DEFB127: variants seen among roughly 807,000 people sequenced by gnomAD.
DEFB127 encodes the protein defensin beta 127.
Under a neutral mutation model 2.4 loss-of-function variants are expected in DEFB127, and 2 were observed. The observed-to-expected ratio is 0.82, with a 90% CI of 0.34 to 2.58. The LOEUF is 2.58. Among genes scored for constraint, DEFB127 ranks in the 30% most tolerant of loss-of-function variants. The probability of loss-of-function intolerance (pLI) is 0.11; values close to 1 mark genes in which losing one functional copy is unlikely to be tolerated. For synonymous variants in DEFB127, 37 were observed against 39.8 expected (o/e 0.93, Z 0.26); for missense variants, 110 against 113.2 (o/e 0.97, Z 0.13).
Position 158,967 on chromosome 20 carries a change from T to C in DEFB127, c.243T>C (p.Leu81=). ...RPKPATLALT[L]QDYVTIIENF... ...AGCCAGCAACACTTGCACTGACTCTTCAAGACTATGTTACAATAATAGAAA... is the reference window on the plus strand; with the variant it reads ...AGCCAGCAACACTTGCACTGACTCTCCAAGACTATGTTACAATAATAGAAA... Residue 81 remains leucine, a synonymous_variant, in exon 2 of 2, where the codon CTT becomes CTC. Transcript: ENST00000382388. 6.2e-7 allele frequency: 1 copy of C among 1,613,296 alleles called. No individual in the cohort carries two copies. Among genetic ancestry groups the C allele is most frequent in the African/African-American group, 1.3e-5 (1 of 74,984 alleles).
chr20:158,815 G>A lies in DEFB127; in HGVS notation c.91G>A (p.Gly31Arg), dbSNP rs12624954. 567,587 of 1,611,498 alleles carry A rather than the reference G, an allele frequency of 0.35. 104,884 individuals are homozygous for A. Among genetic ancestry groups the A allele is most frequent in the East Asian group, 0.5 (22,348 of 44,840 alleles). ...LKKCWNNYVQ[G>R]HCRKICRVNE... ...GAAGTGCTGGAATAACTATGTACAAGGACATTGCAGGAAAATCTGCAGAGT... is the reference window on the plus strand; with the variant it reads ...GAAGTGCTGGAATAACTATGTACAAAGACATTGCAGGAAAATCTGCAGAGT... The change falls in exon 2 of 2, where the codon GGA (glycine) becomes AGA (arginine). Residue 31 changes from glycine to arginine, a missense_variant. By Grantham distance (125) the Gly-to-Arg change is moderately radical (BLOSUM62 -2). Coordinates refer to ENST00000382388, the MANE Select transcript of DEFB127 (RefSeq NM_139074.4).
intron 1 of DEFB127, among the ~76,000 whole-genome samples, chr20:158,011 G>A (rs2054710073): frequency 6.6e-6 from 1 of 151,806 alleles, no homozygotes; most frequent in East Asian, 1.9e-4. Context: ...TAAGAAACAT[G>A]CCTTCAATAT....
At chr20:157,765 C>T (rs1178532452) in intron 1 of DEFB127, among the ~76,000 whole-genome samples, 172 bp downstream of exon 1, 1 of 152,096 alleles carries the variant, frequency 6.6e-6, no homozygotes, top group Admixed American at 6.6e-5. Context: ...ATGTTACTAT[C>T]CTTAAAGAGG....
chr20:158,863 T>C lies in DEFB127; in HGVS notation c.139T>C (p.Cys47Arg), dbSNP rs201082197. Residue 47 changes from cysteine (C) to arginine (R), a missense_variant, in exon 2 of 2, where the codon TGT becomes CGT. Transcript: ENST00000382388. ...AGTAAATGAAGTGCCTGAGGCACTA[T>C]GTGAAAATGGGAGATACTGTTGCCT... ...CRVNEVPEAL[C>R]ENGRYCCLNI... The C allele has an allele frequency of 6.5e-5, 105 of 1,613,798 alleles. No individual in the cohort carries two copies. The Admixed American group carries it at 1.6e-3, about 25-fold the overall frequency.
chr20:158,981 C>A lies in DEFB127; in HGVS notation c.257C>A (p.Thr86Lys). 8.7e-6 allele frequency: 14 copies of A among 1,611,230 alleles called. No individual in the cohort carries two copies. The highest frequency in any genetic ancestry group is 1.2e-5 in the Non-Finnish European group (14 of 1,179,106). Reference protein sequence around the residue: ...TLALTLQDYVTIIENFPSLKT... With the variant: ...TLALTLQDYVKIIENFPSLKT... ...GCACTGACTCTTCAAGACTATGTTA[C>A]AATAATAGAAAATTTCCCAAGCCTG... The change falls in exon 2 of 2, where the codon ACA becomes AAA. Residue 86 changes from threonine to lysine, a missense_variant. Thr to Lys is a moderately conservative substitution (Grantham distance 78, BLOSUM62 -1). Coordinates refer to ENST00000382388, the MANE Select transcript of DEFB127 (RefSeq NM_139074.4).
At chr20:158,469 A>G (rs771649642) in intron 1 of DEFB127, among the ~76,000 whole-genome samples, 3 of 152,170 alleles carry the variant, frequency 2.0e-5, no homozygotes, top group African/African-American at 4.8e-5. Context: ...TGTAGAGCAT[A>G]GTTCCATAGC....
Position 157,464 on chromosome 20 carries a change from C to G in DEFB127, c.-81C>G, listed in dbSNP as rs192617936. 3.4e-6 allele frequency: 5 copies of G among 1,474,428 alleles called. No homozygotes were observed. In the East Asian group the frequency reaches 6.8e-5, roughly 20 times the overall value. 91.3% of individuals were successfully genotyped at this position (1,474,428 alleles called of 1,614,324 possible). On this transcript the variant is annotated 5_prime_UTR_variant, in exon 1 of 2. In the 5' UTR this introduces an upstream ATG that the reference lacks. Transcript: ENST00000382388. ...CTGTTCTGGTTCAGTGCATAAGAAT[C>G]TAAGTCTCTGAGGAAGGTAGCATAG...
chr20:158,443 T>C (rs1856623336), intron 1 of DEFB127, among the ~76,000 whole-genome samples: 1 of 152,166 alleles, frequency 6.6e-6, no homozygotes, highest in African/African-American at 2.4e-5. Context: ...TGCAGGCAGA[T>C]TTGCTGAGGT....
chr20:158,921 T>C lies in DEFB127; in HGVS notation c.197T>C (p.Ile66Thr), dbSNP rs1489149874. 6.2e-7 allele frequency: 1 copy of C among 1,613,640 alleles called. No individual in the cohort carries two copies. The highest frequency in any genetic ancestry group is 2.2e-5 in the East Asian group (1 of 44,864). ...AAGGAACTGGAAGCATGTAAAAAAA[T>C]TACAAAGCCACCTCGTCCAAAGCCA... ...NIKELEACKK[I>T]TKPPRPKPAT... The change falls in exon 2 of 2, where the codon ATT becomes ACT. Residue 66 changes from isoleucine (I) to threonine (T), a missense_variant. Transcript: ENST00000382388.
At chr20:157,715 C>T (rs1438716841) in intron 1 of DEFB127, 122 bp downstream of exon 1, 2 of 1,029,570 alleles carry the variant, frequency 1.9e-6, no homozygotes, top group African/African-American at 3.2e-5. Flanking sequence ...AAAGTTTATC[C>T]AACATCATCA....
Position 159,048 on chromosome 20 carries a change from T to G in DEFB127, c.*24T>G. ...AAATCAAATACAATTTCGTTTTCAC[T>G]TGCTTCTCAACCTAGTCTAATAAAC... On this transcript the variant is annotated 3_prime_UTR_variant, in exon 2 of 2. Transcript: ENST00000382388. 1.9e-6 allele frequency: 3 copies of G among 1,580,908 alleles called. No individual in the cohort carries two copies. Among genetic ancestry groups the G allele is most frequent in the Non-Finnish European group, 2.6e-6 (3 of 1,165,754 alleles).
At chr20:157,927 ATATATGTGTGTGTGTG>A (rs753623368) in intron 1 of DEFB127, among the ~76,000 whole-genome samples, 3 of 83,342 alleles carry the variant, frequency 3.6e-5, no homozygotes, top group South Asian at 3.0e-4. Context: ...ACTCAAATAT[ATATATGTGTGTGTGTG>A]TGTGTGTGTG....
Position 158,760 on chromosome 20 carries a change from C to T in DEFB127, c.50-14C>T. On this transcript the variant is annotated splice_polypyrimidine_tract_variant and intron_variant, in intron 1 of 1. Transcript: ENST00000382388. The stretch of plus-strand genomic sequence containing the variant: ...AAACACTGATATTGTTCTATTGCTC[C>T]TTTCTGTGTATAGTAACCGAACAAC... The T allele has an allele frequency of 6.3e-7, 1 of 1,599,716 alleles. No individual in the cohort carries two copies. The highest frequency in any genetic ancestry group is 8.5e-7 in the Non-Finnish European group (1 of 1,173,666).
At position 157,577 on chromosome 20, in the gene DEFB127, G is replaced by C; in HGVS notation, c.33G>C (p.Leu11=). Residue 11 remains leucine (L), a synonymous_variant, in exon 1 of 2, where the codon CTG becomes CTC. Transcript: ENST00000382388. ...TCTTCATGATCATTGCAATTCTGCT[G>C]TTCCAGAAACCCACAGGTAAACCAA... is the stretch of plus-strand genomic sequence containing the variant. MGLFMIIAIL[L]FQKPTVTEQL... is the part of the protein sequence containing the mutation. The C allele has an allele frequency of 6.2e-7, 1 of 1,613,934 alleles. No individual in the cohort carries two copies. The highest frequency in any genetic ancestry group is 8.5e-7 in the Non-Finnish European group (1 of 1,179,886).
chr20:159,134 A>G lies in DEFB127; in HGVS notation c.*110A>G. 1.6e-6 allele frequency: 2 copies of G among 1,269,322 alleles called. No individual in the cohort carries two copies. The highest frequency in any genetic ancestry group is 1.5e-5 in the African/African-American group (1 of 66,414). The allele number at this position is 1,269,322 out of a possible 1,614,324, so 78.6% of individuals were successfully genotyped here. A position where few individuals can be genotyped will look rare whatever the true frequency, so the allele number is the denominator to read the frequency against. ...TTCTTGATCCTTAAAATGACCTTCG[A>G]GCATATTCTAATAAAGTGCATTGCC... On this transcript the variant is annotated 3_prime_UTR_variant, in exon 2 of 2. Transcript: ENST00000382388.
rs1354436819 is a variant in DEFB127, at chr20:158,928, G to T, written c.204G>T (p.Lys68Asn). 5.0e-6 allele frequency: 8 copies of T among 1,613,710 alleles called. No individual in the cohort carries two copies. The South Asian group carries it at 5.5e-5, about 11-fold the overall frequency. Reference protein sequence around the residue: ...KELEACKKITKPPRPKPATLA... With the variant: ...KELEACKKITNPPRPKPATLA... ...TGGAAGCATGTAAAAAAATTACAAA[G>T]CCACCTCGTCCAAAGCCAGCAACAC... Residue 68 changes from lysine to asparagine, a missense_variant, in exon 2 of 2, where the codon AAG (lysine) becomes AAT (asparagine). By Grantham distance (94) the Lys-to-Asn change is moderately conservative (BLOSUM62 0). Transcript: ENST00000382388.
At chr20:158,740 C>T (rs748732398) in intron 1 of DEFB127, 34 bp from the exon 2 acceptor site, 2 of 1,580,654 alleles carry the variant, frequency 1.3e-6, no homozygotes, top group East Asian at 2.2e-5. Flanking sequence ...GTCTCAAACA[C>T]TGATATTGTT....
intron 1 of DEFB127, 38 bp downstream of exon 1, chr20:157,631 G>T (rs1600149504): frequency 6.2e-7 from 1 of 1,612,282 alleles, no homozygotes; most frequent in Non-Finnish European, 8.5e-7. Context: ...TCAACAGTGG[G>T]ATGGAGCATT....
chr20:159,003 C>G lies in DEFB127; in HGVS notation c.279C>G (p.Ser93Arg). 1 of 1,610,232 alleles carries G rather than the reference C, an allele frequency of 6.2e-7. No homozygotes were observed. Among genetic ancestry groups the G allele is most frequent in the Non-Finnish European group, 8.5e-7 (1 of 1,178,674 alleles). ...TTACAATAATAGAAAATTTCCCAAG[C>G]CTGAAGACACAGTCTACATAAATCA... ...DYVTIIENFP[S>R]LKTQST The change falls in exon 2 of 2, where the codon AGC becomes AGG. Residue 93 changes from serine to arginine, a missense_variant. Ser to Arg is a moderately radical substitution (Grantham distance 110). Transcript: ENST00000382388.
Sources: gnomAD v4.1 joint callset for allele counts (sites outside exome capture counted in the v4.1 genomes callset) on GRCh38, gnomAD v4.1.1 for gene constraint, MANE v1.5 for transcripts, NCBI Gene and HGNC (gene_info 2026-07-23, HGNC 2026-07-21) for gene names.